Variants in CHRNA4 observed in about 807,000 individuals in gnomAD.
CHRNA4 encodes the protein neuronal acetylcholine receptor subunit alpha-4.
CHRNA4 carries 28 observed loss-of-function variants against 48.9 expected under a neutral mutation model. That is an observed-to-expected ratio of 0.57 (90% CI 0.42 to 0.79). The LOEUF is 0.79. Ranked by LOEUF, CHRNA4 falls within the 30% of genes least tolerant of loss-of-function variation. The pLI is 0.00. For synonymous variants in CHRNA4, 425 were observed against 402.3 expected (o/e 1.06, Z -0.68); for missense variants, 859 against 898.4 (o/e 0.96, Z 0.56).
At chr20:63,355,115 A>T (rs2068697888) in intron 4 of CHRNA4, among the ~76,000 whole-genome samples, 1 of 152,070 alleles carries the variant, frequency 6.6e-6, no homozygotes, top group Non-Finnish European at 1.5e-5. Context: ...TGTTTGTGGG[A>T]GCTGTGACCC....
In CHRNA4 at chr20:63,350,352, T is replaced by G; in HGVS notation, c.1059A>C (p.Pro353=). The change falls in exon 5 of 6, where the codon CCA becomes CCC. Residue 353 remains proline, a synonymous_variant. Transcript: ENST00000370263. ...WVRRVFLDIV[P]RLLLMKRPSV... is the part of the protein sequence containing the mutation. ...ACGGCCGCTTCATGAGGAGCAGGCGTGGCACGATGTCCAGGAAGACCCTGC... is the reference window on the plus strand; with the variant it reads ...ACGGCCGCTTCATGAGGAGCAGGCGGGGCACGATGTCCAGGAAGACCCTGC... The G allele has an allele frequency of 3.1e-6, 5 of 1,613,546 alleles. No homozygotes were observed. Among genetic ancestry groups the G allele is most frequent in the Non-Finnish European group, 4.2e-6 (5 of 1,180,020 alleles).
At position 63,350,206 on chromosome 20, in the gene CHRNA4, T is replaced by C. The variant is rs1329717527; in HGVS notation, c.1205A>G (p.His402Arg). 6.2e-7 allele frequency: 1 copy of C among 1,601,998 alleles called. No individual in the cohort carries two copies. The highest frequency in any genetic ancestry group is 1.3e-5 in the African/African-American group (1 of 74,684). ...GACACAGAAGGACGGTGAGGGCGGG[T>C]GCAGGCTCTGGGTGCCGCTCGTGGC... is the stretch of plus-strand genomic sequence containing the variant. ...PPATSGTQSLHPPSPSFCVPL... is the reference protein window; with the variant it reads ...PPATSGTQSLRPPSPSFCVPL... Residue 402 changes from histidine (H) to arginine (R), a missense_variant, in exon 5 of 6, where the codon CAC (histidine) becomes CGC (arginine). By Grantham distance (29) the His-to-Arg change is conservative. This residue lies in a region of CHRNA4 where 478 missense variants were observed against 455.4 expected (regional missense o/e 1.05). Transcript: ENST00000370263.
chr20:63,360,879 G>A (rs2068808057), intron 1 of CHRNA4: 2 of 422,486 alleles, frequency 4.7e-6, no homozygotes, highest in Non-Finnish European at 4.1e-6. Context: ...CCAGCCCTCC[G>A]CATTCGCCGG....
chr20:63,357,158 T>C (rs12479983), intron 2 of CHRNA4, among the ~76,000 whole-genome samples: 464 of 23,846 alleles, frequency 0.019, 5 homozygotes, highest in East Asian at 0.19. Context: ...GGACCACGTC[T>C]CCACAGGACC....
At chr20:63,349,214 G>A (rs781650948) in intron 5 of CHRNA4, among the ~76,000 whole-genome samples, 8 of 152,132 alleles carry the variant, frequency 5.3e-5, no homozygotes, top group South Asian at 4.1e-4. Flanking sequence ...CCCCAGATAC[G>A]GAGGGGCCCC....
Position 63,355,953 on chromosome 20 carries a change from TCACTTGTTGTAGAGG to T in CHRNA4, c.383+7_383+21del. On this transcript the variant is annotated splice_region_variant and intron_variant, in intron 4 of 5. Coordinates refer to ENST00000370263, the MANE Select transcript of CHRNA4 (RefSeq NM_000744.7). ...TGCCCACCAAGGCCCTGTAGAGGAC[TCACTTGTTGTAGAGG>T]ACTCACTTGTTGTAGAGGACGATGT... 6.2e-7 allele frequency: 1 copy of T among 1,609,678 alleles called. No homozygotes were observed. Among genetic ancestry groups the T allele is most frequent in the Non-Finnish European group, 8.5e-7 (1 of 1,178,390 alleles).
At position 63,350,179 on chromosome 20, in the gene CHRNA4, G is replaced by A. The variant is rs779035642; in HGVS notation, c.1232C>T (p.Pro411Leu). 1.3e-6 allele frequency: 2 copies of A among 1,592,244 alleles called. No individual in the cohort carries two copies. The highest frequency in any genetic ancestry group is 8.6e-7 in the Non-Finnish European group (1 of 1,168,028). Residue 411 changes from proline (P) to leucine (L), a missense_variant, in exon 5 of 6, where the codon CCC (proline) becomes CTC (leucine). By Grantham distance (98) the Pro-to-Leu change is moderately conservative. Around this residue, in one of 3 missense-constraint regions of CHRNA4, gnomAD observed 478 missense variants for 455.4 expected, o/e 1.05. Transcript: ENST00000370263. ...CCCAGGCTCAGCCGGCACATCCAGGGGGACACAGAAGGACGGTGAGGGCGG... is the reference window on the plus strand; with the variant it reads ...CCCAGGCTCAGCCGGCACATCCAGGAGGACACAGAAGGACGGTGAGGGCGG... ...LHPPSPSFCVPLDVPAEPGPS... is the reference protein window; with the variant it reads ...LHPPSPSFCVLLDVPAEPGPS...
chr20:63,350,024 C>A lies in CHRNA4; in HGVS notation c.1387G>T (p.Ala463Ser). 2 of 1,524,238 alleles carry A rather than the reference C, an allele frequency of 1.3e-6. No individual in the cohort carries two copies. The highest frequency in any genetic ancestry group is 2.1e-5 in the Admixed American group (1 of 48,202). 94.4% of individuals were successfully genotyped at this position (1,524,238 alleles called of 1,614,324 possible). A position where few individuals can be genotyped will look rare whatever the true frequency, so the allele number is the denominator to read the frequency against. Residue 463 changes from alanine (A) to serine (S), a missense_variant, in exon 5 of 6, where the codon GCC (alanine) becomes TCC (serine). Around this residue, in one of 3 missense-constraint regions of CHRNA4, gnomAD observed 478 missense variants for 455.4 expected, o/e 1.05. Transcript: ENST00000370263. Reference sequence around the variant, plus strand: ...ATGTGCTGGACGCTGAGGGACCTGGCTTTGGCCAGCCCTGGTGCCTGGGTG... The same window carrying A: ...ATGTGCTGGACGCTGAGGGACCTGGATTTGGCCAGCCCTGGTGCCTGGGTG... ...HGTQAPGLAK[A>S]RSLSVQHMSS...
intron 2 of CHRNA4, among the ~76,000 whole-genome samples, chr20:63,358,876 A>G (rs1386581213): frequency 2.6e-5 from 4 of 152,020 alleles, no homozygotes; most frequent in Non-Finnish European, 5.9e-5. Flanking sequence ...GTAACCAAGC[A>G]TCTCAACCGA....
chr20:63,359,178 C>T (rs529182714), intron 2 of CHRNA4, among the ~76,000 whole-genome samples: 3 of 152,344 alleles, frequency 2.0e-5, no homozygotes, highest in South Asian at 2.1e-4. Context: ...GCTCCTGCCC[C>T]GGCCCCTGCC....
chr20:63,346,780 C>T lies in CHRNA4; in HGVS notation c.1842G>A (p.Thr614=), dbSNP rs727503871. 8.1e-6 allele frequency: 13 copies of T among 1,612,146 alleles called. No homozygotes were observed. Among genetic ancestry groups the T allele is most frequent in the South Asian group, 7.7e-5 (7 of 91,074 alleles). ...GCCAGGGCGGCAGGAAGAGGCCCAC[C>T]GTCCCCAGCAGGCAGACGATGATGA... ...WMFIIVCLLG[T]VGLFLPPWLA... The change falls in exon 6 of 6, where the codon ACG becomes ACA. Residue 614 remains threonine (T), a synonymous_variant. Coordinates refer to ENST00000370263, the MANE Select transcript of CHRNA4 (RefSeq NM_000744.7).
At chr20:63,346,928 ACCCCGGCG>A in intron 5 of CHRNA4, 65 bp from the exon 6 acceptor site, 1 of 1,605,980 alleles carries the variant, frequency 6.2e-7, no homozygotes, top group Non-Finnish European at 8.5e-7. Flanking sequence ...AGCCCTCAGG[ACCCCGGCG>A]CCGCCGGCAA....
At chr20:63,356,750 T>G (rs1225311322) in intron 2 of CHRNA4, 1 of 464,650 alleles carries the variant, frequency 2.2e-6, no homozygotes, top group African/African-American at 2.0e-5. Context: ...CTCCCGGCCC[T>G]TGGGGGCAGC....
rs1192836631 is a variant in CHRNA4 at position 63,346,480 on chromosome 20, G to A, written c.*258C>T. On this transcript the variant is annotated 3_prime_UTR_variant, in exon 6 of 6. Transcript: ENST00000370263. ...CTTAGCCCGAGTCCTGCAGGTAGAA[G>A]GCGCCGACCCCCACCTCTGCTCCAA... The A allele has an allele frequency of 1.5e-6, 1 of 651,482 alleles. No homozygotes were observed. Among genetic ancestry groups the A allele is most frequent in the South Asian group, 1.5e-5 (1 of 66,242 alleles). 40.4% of individuals were successfully genotyped at this position (651,482 alleles called of 1,614,324 possible). A position where few individuals can be genotyped will look rare whatever the true frequency, so the allele number is the denominator to read the frequency against.
rs1369060333 is a variant in CHRNA4 at position 63,344,509 on chromosome 20, A to G, written c.*2229T>C. 2.2e-6 allele frequency: 1 copy of G among 453,040 alleles called. No individual in the cohort carries two copies. Among genetic ancestry groups the G allele is most frequent in the African/African-American group, 2.0e-5 (1 of 49,754 alleles). 28.1% of individuals were successfully genotyped at this position (453,040 alleles called of 1,614,324 possible). A position where few individuals can be genotyped will look rare whatever the true frequency, so the allele number is the denominator to read the frequency against. ...TTTTGAGCCTCAAAAAAAAAAAGAA[A>G]GGGAAAGGGGTCTTCCCCCAGGCAA... On this transcript the variant is annotated 3_prime_UTR_variant, in exon 6 of 6. Coordinates refer to ENST00000370263, the MANE Select transcript of CHRNA4 (RefSeq NM_000744.7). The surrounding 1 kb of genome is among the most constrained non-coding windows in gnomAD (Gnocchi z 4.5).
At chr20:63,353,756 G>GA (rs1394081265) in intron 4 of CHRNA4, among the ~76,000 whole-genome samples, 5 of 61,814 alleles carry the variant, frequency 8.1e-5, no homozygotes, top group Admixed American at 1.6e-4. Flanking sequence ...GGTCCTGGGG[G>GA]GCTGTAGTCC....
Position 63,346,048 on chromosome 20 carries a change from C to T in CHRNA4, c.*690G>A, listed in dbSNP as rs45544933. 3.3e-4 allele frequency: 150 copies of T among 454,004 alleles called. No homozygotes were observed. The highest frequency in any genetic ancestry group is 3.0e-4 in the Non-Finnish European group (68 of 226,720). 28.1% of individuals were successfully genotyped at this position (454,004 alleles called of 1,614,324 possible). A position where few individuals can be genotyped will look rare whatever the true frequency, so the allele number is the denominator to read the frequency against. ...CCTGCGCAGGGGAGAGCTGGTCCCG[C>T]GTGGGCCTCCCGATTCTCCCCACGC... is the stretch of plus-strand genomic sequence containing the variant. On this transcript the variant is annotated 3_prime_UTR_variant, in exon 6 of 6. Transcript: ENST00000370263.
At chr20:63,352,900 TC>T (rs2068637640) in intron 4 of CHRNA4, among the ~76,000 whole-genome samples, 1 of 139,048 alleles carries the variant, frequency 7.2e-6, no homozygotes, top group African/African-American at 2.6e-5. Context: ...CACCCCTGGC[TC>T]CAGCCGCCCT....
chr20:63,350,048 T>C lies in CHRNA4; in HGVS notation c.1363A>G (p.Thr455Ala). The C allele has an allele frequency of 6.6e-7, 1 of 1,513,492 alleles. No homozygotes were observed. The highest frequency in any genetic ancestry group is 2.4e-5 in the East Asian group (1 of 42,418). The allele number at this position is 1,513,492 out of a possible 1,614,324, so 93.8% of individuals were successfully genotyped here. A position where few individuals can be genotyped will look rare whatever the true frequency, so the allele number is the denominator to read the frequency against. ...SPGPCRPPHGTQAPGLAKARS... is the reference protein window; with the variant it reads ...SPGPCRPPHGAQAPGLAKARS... ...GCTTTGGCCAGCCCTGGTGCCTGGGTGCCGTGGGGCGGGCGGCAGGGTCCA... is the reference window on the plus strand; with the variant it reads ...GCTTTGGCCAGCCCTGGTGCCTGGGCGCCGTGGGGCGGGCGGCAGGGTCCA... The change falls in exon 5 of 6, where the codon ACC becomes GCC. Residue 455 changes from threonine to alanine, a missense_variant. Physicochemically the swap from Thr to Ala is moderately conservative, Grantham distance 58. Transcript: ENST00000370263.
Sources: gnomAD v4.1 joint callset for allele counts (sites outside exome capture counted in the v4.1 genomes callset) on GRCh38, gnomAD v4.1.1 for gene constraint, gnomAD v4.1.1 regional missense constraint, Gnocchi (gnomAD v3.1) non-coding constraint, MANE v1.5 for transcripts, NCBI Gene and HGNC (gene_info 2026-07-23, HGNC 2026-07-21) for gene names.